Variants in COL11A1 observed in about 807,000 individuals in gnomAD.
COL11A1 encodes collagen alpha-1(XI) chain.
A neutral mutation model predicts 265.2 loss-of-function variants in COL11A1; 74 were observed. The observed-to-expected ratio is 0.28, with a 90% confidence interval of 0.23 to 0.34. The LOEUF (loss-of-function observed/expected upper bound fraction) is 0.34. Among genes scored for constraint, COL11A1 ranks in the 10% least tolerant of loss-of-function variants. The pLI is 1.00. For synonymous variants in COL11A1, 816 were observed against 727.6 expected (o/e 1.12, Z -1.96); for missense variants, 2,165 against 2,263.6 (o/e 0.96, Z 0.88).
intron 24 of COL11A1, chr1:103,001,405 A>C: frequency 5.0e-6 from 2 of 400,908 alleles, no homozygotes; most frequent in Admixed American, 8.5e-5. Flanking sequence ...TTACTCAAGG[A>C]ATCTCACAGT....
At chr1:102,879,538 A>G in intron 66 of COL11A1, 145 bp downstream of exon 66, 1 of 730,066 alleles carries the variant, frequency 1.4e-6, no homozygotes, top group Non-Finnish European at 2.4e-6. Context: ...CTCACATACC[A>G]TAGTTTAACA....
rs142129455 is a variant in COL11A1 at position 103,092,795 on chromosome 1, C to G, written c.107-9823G>C. 3.9e-5 allele frequency among the ~76,000 whole-genome samples: 6 copies of G among 152,068 alleles called. No homozygotes were observed. The East Asian group carries it at 1.2e-3, about 29-fold the overall frequency. ...TAAACCTTGAAAAGCACCAGGGAAC[C>G]TATCTGAAGTACCATTAATGTTTCA... is the stretch of plus-strand genomic sequence containing the variant. On this transcript the variant is annotated intron_variant, in intron 1 of 66. Transcript: ENST00000370096.
intron 36 of COL11A1, among the ~76,000 whole-genome samples, chr1:102,974,043 T>C (rs549565307): frequency 1.3e-5 from 2 of 152,286 alleles, no homozygotes; most frequent in East Asian, 3.9e-4. Flanking sequence ...AGAATTGTGA[T>C]TTGGTCAGTG....
chr1:102,891,347 G>A (rs1445837110), intron 57 of COL11A1, among the ~76,000 whole-genome samples: 1 of 151,826 alleles, frequency 6.6e-6, no homozygotes, highest in Non-Finnish European at 1.5e-5. Context: ...TTTCTAAATT[G>A]CACCTCATAT....
intron 5 of COL11A1, among the ~76,000 whole-genome samples, chr1:103,028,301 T>C (rs1667717180): frequency 6.6e-6 from 1 of 152,164 alleles, no homozygotes; most frequent in African/African-American, 2.4e-5. Context: ...CCCAAATTGT[T>C]GGGATTACAG....
At chr1:102,970,065 T>TAC (rs1441887411) in intron 37 of COL11A1, among the ~76,000 whole-genome samples, 154 bp downstream of exon 37, 2 of 151,444 alleles carry the variant, frequency 1.3e-5, no homozygotes, top group Admixed American at 6.6e-5. Flanking sequence ...TATTTATATA[T>TAC]ATATGTATAT....
chr1:103,085,599 A>G (rs112547358), intron 1 of COL11A1, among the ~76,000 whole-genome samples: 1 of 152,104 alleles, frequency 6.6e-6, no homozygotes, highest in Non-Finnish European at 1.5e-5. Context: ...GACCTGCTTG[A>G]CTTATATTCT....
chr1:102,989,195 AGT>A (rs1663872600), intron 29 of COL11A1, among the ~76,000 whole-genome samples: 1 of 151,970 alleles, frequency 6.6e-6, no homozygotes, highest in African/African-American at 2.4e-5. Flanking sequence ...AATTACTTCT[AGT>A]AATTTGATCT....
intron 22 of COL11A1, 118 bp downstream of exon 22, chr1:103,002,629 G>C: frequency 1.8e-6 from 2 of 1,112,884 alleles, no homozygotes; most frequent in East Asian, 2.5e-5. Flanking sequence ...AATGCAAGCT[G>C]TATCTAATAT....
At position 102,888,903 on chromosome 1, in the gene COL11A1, G is replaced by A. The variant is rs764371952; in HGVS notation, c.4481C>T (p.Ala1494Val). The change falls in exon 60 of 67, where the codon GCT becomes GTT. Residue 1494 changes from alanine (A) to valine (V), a missense_variant. Transcript: ENST00000370096. Reference sequence around the variant, plus strand: ...AGGACCAGGTGGACCTAAGGGACCAGCAGGACCAGGAATTCCCTAGAGAGA... The same window carrying A: ...AGGACCAGGTGGACCTAAGGGACCAACAGGACCAGGAATTCCCTAGAGAGA... Reference protein sequence around the residue: ...AKGDGGIPGPAGPLGPPGPPG... With the variant: ...AKGDGGIPGPVGPLGPPGPPG... 6.2e-7 allele frequency: 1 copy of A among 1,612,188 alleles called. No individual in the cohort carries two copies. The highest frequency in any genetic ancestry group is 2.2e-5 in the East Asian group (1 of 44,874).
chr1:103,092,809 A>G (rs1444045603), intron 1 of COL11A1, among the ~76,000 whole-genome samples: 2 of 152,128 alleles, frequency 1.3e-5, no homozygotes, highest in Non-Finnish European at 2.9e-5. Context: ...CTGAAGTACC[A>G]TTAATGTTTC....
intron 53 of COL11A1, 119 bp from the exon 54 acceptor site, chr1:102,912,331 C>T: frequency 1.3e-6 from 1 of 764,086 alleles, no homozygotes; most frequent in Non-Finnish European, 2.1e-6. Context: ...TCAATATTTC[C>T]TGGAAAATCT....
Position 102,964,174 on chromosome 1 carries a change from G to A in COL11A1, c.2916+1313C>T, listed in dbSNP as rs151129679. 1.7e-3 allele frequency among the ~76,000 whole-genome samples: 252 copies of A among 152,198 alleles called. 1 individual carries two copies. Among genetic ancestry groups the A allele is most frequent in the Middle Eastern group, 0.01 (3 of 292 alleles). On this transcript the variant is annotated intron_variant, in intron 38 of 66. Transcript: ENST00000370096. ...GAATTGTATTTTTGAAAGATGTGAG[G>A]TCCTAAAATATTTAGTTACATTCCA...
rs769488022 is a variant in COL11A1 at position 102,996,007 on chromosome 1, C to T, written c.2277G>A (p.Pro759=). The T allele has an allele frequency of 1.1e-5, 18 of 1,612,894 alleles. No homozygotes were observed. The highest frequency in any genetic ancestry group is 3.3e-5 in the Admixed American group (2 of 59,890). ...ACGTTACCTTTACTCCCCGGGGGCC[C>T]GGGTATCCAATAGGACCTTGTGGAC... ...PPGPQGPIGY[P]GPRGVKGADG... Residue 759 remains proline, a synonymous_variant, in exon 27 of 67, where the codon CCG becomes CCA. Coordinates refer to ENST00000370096, the MANE Select transcript of COL11A1 (RefSeq NM_001854.4).
chr1:102,897,674 A>G (rs1379256278), intron 57 of COL11A1, among the ~76,000 whole-genome samples: 1 of 152,168 alleles, frequency 6.6e-6, no homozygotes, highest in East Asian at 1.9e-4. Flanking sequence ...TACAGTAGCC[A>G]TATCTTTTTT....
Position 102,881,706 on chromosome 1 carries a change from C to T in COL11A1, c.5031G>A (p.Arg1677=), listed in dbSNP as rs1650264976. Residue 1677 remains arginine (R), a synonymous_variant, in exon 65 of 67, where the codon AGG becomes AGA. Transcript: ENST00000370096. ...KPGSWFSEFK[R]GKLLSYLDVE... ...TGAGGTAATAACATACCAGTTTTCC[C>T]CTCTTAAATTCACTAAACCAACTTC... 6.2e-7 allele frequency: 1 copy of T among 1,611,998 alleles called. No individual in the cohort carries two copies. Among genetic ancestry groups the T allele is most frequent in the Non-Finnish European group, 8.5e-7 (1 of 1,178,634 alleles).
At chr1:103,015,133 G>T (rs1666454743) in intron 12 of COL11A1, among the ~76,000 whole-genome samples, 1 of 151,928 alleles carries the variant, frequency 6.6e-6, no homozygotes, top group Non-Finnish European at 1.5e-5. Context: ...TCAAAATGCA[G>T]TAGGAGTCAA....
Position 102,911,314 on chromosome 1 carries a change from A to G in COL11A1, c.4086+845T>C, listed in dbSNP as rs539328062. On this transcript the variant is annotated intron_variant, in intron 54 of 66. Transcript: ENST00000370096. ...TGAGAGACAAGTAAAACCCATTCAC[A>G]TTCTATGTTTAATGTGAGGATATTC... Among the ~76,000 whole-genome samples, 109 of 152,192 alleles carry G rather than the reference A, an allele frequency of 7.2e-4. 1 individual carries two copies. The highest frequency in any genetic ancestry group is 3.7e-4 in the Non-Finnish European group (25 of 68,028).
chr1:102,970,870 CG>C (rs1027574981), intron 36 of COL11A1, among the ~76,000 whole-genome samples: 3 of 151,912 alleles, frequency 2.0e-5, no homozygotes, highest in Non-Finnish European at 2.9e-5. Context: ...AAAAAGTAGC[CG>C]GGCGTGGTGG....
Sources: gnomAD v4.1 joint callset for allele counts (sites outside exome capture counted in the v4.1 genomes callset) on GRCh38, gnomAD v4.1.1 for gene constraint, MANE v1.5 for transcripts, NCBI Gene and HGNC (gene_info 2026-07-23, HGNC 2026-07-21) for gene names.